The following GLS variants were observed in gnomAD, a reference collection of about 807,000 sequenced individuals.
The protein encoded by GLS is glutaminase, also known as glutaminase kidney isoform, mitochondrial.
Under a neutral mutation model 86.7 loss-of-function variants are expected in GLS, and 36 were observed. That is an observed-to-expected ratio of 0.42 (90% CI 0.32 to 0.55). The LOEUF (loss-of-function observed/expected upper bound fraction) is 0.55. Among genes scored for constraint, GLS ranks in the 20% least tolerant of loss-of-function variants. The probability of loss-of-function intolerance (pLI) is 0.17; values close to 1 mark genes in which losing one functional copy is unlikely to be tolerated. For missense variants in GLS, 528 were observed against 833.4 expected (o/e 0.63, Z 4.51); for synonymous variants, 317 against 305.9 (o/e 1.04, Z -0.38).
In GLS at chr2:190,905,066, ATGCCAT is replaced by A; in HGVS notation, c.882_887del (p.Ile295_Ala296del). 1 of 1,599,298 alleles carries A rather than the reference ATGCCAT, an allele frequency of 6.3e-7. No individual in the cohort carries two copies. Among genetic ancestry groups the A allele is most frequent in the Non-Finnish European group, 8.6e-7 (1 of 1,166,554 alleles). ...CAGTCCTGTGTAAAACCTTTGAAAT[ATGCCAT>A]TGCTGTTAATGATCTTGGAACTGAA... On this transcript the variant is annotated inframe_deletion, in exon 6 of 18. Coordinates refer to ENST00000320717, the MANE Select transcript of GLS (RefSeq NM_014905.5). This position sits in a 1 kb window ranked among gnomAD's most constrained non-coding sequence, Gnocchi z 4.6.
chr2:190,935,093 C>T lies in GLS; in HGVS notation c.1650+3456C>T. 1.1e-6 allele frequency: 1 copy of T among 943,692 alleles called. No homozygotes were observed. Among genetic ancestry groups the T allele is most frequent in the South Asian group, 4.9e-5 (1 of 20,344 alleles). The allele number at this position is 943,692 out of a possible 1,614,324, so 58.5% of individuals were successfully genotyped here. A position where few individuals can be genotyped will look rare whatever the true frequency, so the allele number is the denominator to read the frequency against. On this transcript the variant is annotated intron_variant, in intron 14 of 17. Transcript: ENST00000320717. This position sits in a 1 kb window ranked among gnomAD's most constrained non-coding sequence, Gnocchi z 4.2. ...TCTTTTTTCTTTCTTTTTTTGGCAT[C>T]ATTAACATTTCATTTGAAATGCATA...
Position 190,953,372 on chromosome 2 carries a change from C to A in GLS, c.1651-193C>A, listed in dbSNP as rs528865173. On this transcript the variant is annotated intron_variant, in intron 14 of 17. Transcript: ENST00000320717. The surrounding 1 kb of genome is among the most constrained non-coding windows in gnomAD (Gnocchi z 4.0). ...TTATCTTTATTATTGAATTTTCCCT[C>A]ACAATCCACTGTTAAAAGAAGAAAG... 6.6e-6 allele frequency among the ~76,000 whole-genome samples: 1 copy of A among 152,188 alleles called. No homozygotes were observed. The highest frequency in any genetic ancestry group is 6.5e-5 in the Admixed American group (1 of 15,284).
chr2:190,895,515 TTATA>T lies in GLS; in HGVS notation c.484-86_484-83del. ...ATGTTCAAGTGTTGGGTAGAAGTTT[TTATA>T]TACAGGAATAAAATCTTATAGTTGG... On this transcript the variant is annotated intron_variant, in intron 2 of 17. Coordinates refer to ENST00000320717, the MANE Select transcript of GLS (RefSeq NM_014905.5). This position sits in a 1 kb window ranked among gnomAD's most constrained non-coding sequence, Gnocchi z 4.2. The T allele has an allele frequency of 2.2e-6, 2 of 927,216 alleles. No individual in the cohort carries two copies. The highest frequency in any genetic ancestry group is 2.4e-5 in the Admixed American group (1 of 42,158). The allele number at this position is 927,216 out of a possible 1,614,324, so 57.4% of individuals were successfully genotyped here. A position where few individuals can be genotyped will look rare whatever the true frequency, so the allele number is the denominator to read the frequency against.
At chr2:190,894,827 A>C (rs149586303) in intron 1 of GLS, among the ~76,000 whole-genome samples, 374 of 152,334 alleles carry the variant, frequency 2.5e-3, no homozygotes, top group African/African-American at 8.3e-3. Context: ...GAACTCTATA[A>C]TTTGTATTGG....
intron 6 of GLS, among the ~76,000 whole-genome samples, chr2:190,906,571 GA>G (rs1689142966): frequency 1.3e-5 from 2 of 152,132 alleles, no homozygotes; most frequent in African/African-American, 4.8e-5. Context: ...TTTAACAAGA[GA>G]TTTTGCCTCG....
Position 190,935,635 on chromosome 2 carries a change from C to T in GLS, c.1650+3998C>T, listed in dbSNP as rs1690250302. ...GTGCAACCCTATTTGTAGGTTATTT[C>T]TGCTTTCTGAGGAGGAATATTGTTG... On this transcript the variant is annotated intron_variant, in intron 14 of 17. Transcript: ENST00000320717. The surrounding 1 kb of genome is among the most constrained non-coding windows in gnomAD (Gnocchi z 4.2). Among the ~76,000 whole-genome samples, 1 of 151,144 alleles carries T rather than the reference C, an allele frequency of 6.6e-6. No individual in the cohort carries two copies. The highest frequency in any genetic ancestry group is 1.5e-5 in the Non-Finnish European group (1 of 67,274).
At chr2:190,886,306 A>ATGCTG (rs1380891693) in intron 1 of GLS, among the ~76,000 whole-genome samples, 1 of 152,222 alleles carries the variant, frequency 6.6e-6, no homozygotes, top group Non-Finnish European at 1.5e-5. Context: ...TAACAAACTC[A>ATGCTG]TGCTGTTAAT....
chr2:190,931,160 ATT>A (rs370329229), intron 13 of GLS, among the ~76,000 whole-genome samples: 2 of 152,180 alleles, frequency 1.3e-5, no homozygotes, highest in Non-Finnish European at 2.9e-5. Context: ...AGTCTTTTAT[ATT>A]TTACAAAAAC....
rs1193489370 is a variant in GLS at position 190,905,151 on chromosome 2, A to G, written c.963A>G (p.Leu321=). The stretch of plus-strand genomic sequence containing the variant: ...CGAGTGGACTAAGATTCAACAAACT[A>G]TTTTTGAATGAAGATGGTAAGAATT... The part of the protein sequence containing the change: ...KEPSGLRFNK[L]FLNEDDKPHN... The change falls in exon 6 of 18, where the codon CTA becomes CTG. Residue 321 remains leucine (L), a synonymous_variant. Transcript: ENST00000320717. The surrounding 1 kb of genome is among the most constrained non-coding windows in gnomAD (Gnocchi z 4.6). 6.9e-6 allele frequency: 11 copies of G among 1,592,418 alleles called. No individual in the cohort carries two copies. In the East Asian group the frequency reaches 1.1e-4, roughly 16 times the overall value.
chr2:190,950,964 C>T (rs1435195001), intron 14 of GLS, among the ~76,000 whole-genome samples: 1 of 152,100 alleles, frequency 6.6e-6, no homozygotes, highest in African/African-American at 2.4e-5. Context: ...GGTGAGAAGC[C>T]GGCAGGACTG....
Position 190,880,908 on chromosome 2 carries a change from A to C in GLS, c.-177A>C. ...CAGCAGCAGCAGCAGCAGCAGCAGC[A>C]GCAGCAGCAGCACCCGCATCCGCTG... On this transcript the variant is annotated 5_prime_UTR_variant, in exon 1 of 18. Transcript: ENST00000320717. 1.2e-6 allele frequency: 1 copy of C among 826,898 alleles called. No homozygotes were observed. The highest frequency in any genetic ancestry group is 1.9e-6 in the Non-Finnish European group (1 of 539,656). The allele number at this position is 826,898 out of a possible 1,614,324, so 51.2% of individuals were successfully genotyped here.
In GLS at chr2:190,881,150, C is replaced by G. The variant is rs1307572661; in HGVS notation, c.66C>G (p.Ser22Arg). The change falls in exon 1 of 18, where the codon AGC becomes AGG. Residue 22 changes from serine (S) to arginine (R), a missense_variant. Coordinates refer to ENST00000320717, the MANE Select transcript of GLS (RefSeq NM_014905.5). Reference sequence around the variant, plus strand: ...TCCTGCGGTCGCCCGCCGGCGTGAGCGCGACTCTGCGGCGGGCACAGCCCT... The same window carrying G: ...TCCTGCGGTCGCCCGCCGGCGTGAGGGCGACTCTGCGGCGGGCACAGCCCT... ...DLLLRSPAGV[S>R]ATLRRAQPLV... 11 of 1,553,962 alleles carry G rather than the reference C, an allele frequency of 7.1e-6. No individual in the cohort carries two copies. The highest frequency in any genetic ancestry group is 9.5e-6 in the Non-Finnish European group (11 of 1,158,338).
Position 190,930,358 on chromosome 2 carries a change from CCA to C in GLS, c.1426-78_1426-77del, listed in dbSNP as rs1269093235. On this transcript the variant is annotated intron_variant, in intron 12 of 17. Transcript: ENST00000320717. This position sits in a 1 kb window ranked among gnomAD's most constrained non-coding sequence, Gnocchi z 5.0. The stretch of plus-strand genomic sequence containing the variant: ...CAGGAGTGAGCCATGGTGCCCAGCC[CCA>C]GTTTCCCTATTGTTGAACATAACAT... The C allele has an allele frequency of 4.6e-6, 5 of 1,086,204 alleles. No homozygotes were observed. Among genetic ancestry groups the C allele is most frequent in the African/African-American group, 3.1e-5 (2 of 63,706 alleles). The allele number at this position is 1,086,204 out of a possible 1,614,324, so 67.3% of individuals were successfully genotyped here.
Position 190,964,802 on chromosome 2 carries a change from AACTTTATTC to A in GLS, c.*1818_*1826del, listed in dbSNP as rs1691086664. On this transcript the variant is annotated 3_prime_UTR_variant, in exon 18 of 18. Coordinates refer to ENST00000320717, the MANE Select transcript of GLS (RefSeq NM_014905.5). This position sits in a 1 kb window ranked among gnomAD's most constrained non-coding sequence, Gnocchi z 5.2. ...CGTTTTAACTGAAATCAATCAAGAT[AACTTTATTC>A]AAAGAGCAGCCCGCTTTGTGTGACT... 1 of 152,212 alleles carries A rather than the reference AACTTTATTC, an allele frequency of 6.6e-6. No homozygotes were observed. Among genetic ancestry groups the A allele is most frequent in the African/African-American group, 2.4e-5 (1 of 41,448 alleles). 9.4% of individuals were successfully genotyped at this position (152,212 alleles called of 1,614,324 possible). A position where few individuals can be genotyped will look rare whatever the true frequency, so the allele number is the denominator to read the frequency against.
Position 190,913,322 on chromosome 2 carries a change from T to C in GLS, c.1038+3001T>C. 2 of 1,224,522 alleles carry C rather than the reference T, an allele frequency of 1.6e-6. No homozygotes were observed. Among genetic ancestry groups the C allele is most frequent in the Non-Finnish European group, 1.1e-6 (1 of 950,048 alleles). The allele number at this position is 1,224,522 out of a possible 1,614,324, so 75.9% of individuals were successfully genotyped here. A position where few individuals can be genotyped will look rare whatever the true frequency, so the allele number is the denominator to read the frequency against. Reference sequence around the variant, plus strand: ...CATAAATTCTTAACTACTAAGCTTATAGGAAAACTCCAATATTTAAAATTT... The same window carrying C: ...CATAAATTCTTAACTACTAAGCTTACAGGAAAACTCCAATATTTAAAATTT... On this transcript the variant is annotated intron_variant, in intron 7 of 17. Transcript: ENST00000320717. This position sits in a 1 kb window ranked among gnomAD's most constrained non-coding sequence, Gnocchi z 6.1.
At position 190,962,957 on chromosome 2, in the gene GLS, G is replaced by T; in HGVS notation, c.1981G>T (p.Val661Phe). Residue 661 changes from valine to phenylalanine, a missense_variant, in exon 18 of 18, where the codon GTC becomes TTC. Transcript: ENST00000320717. This position sits in a 1 kb window ranked among gnomAD's most constrained non-coding sequence, Gnocchi z 4.2. The stretch of plus-strand genomic sequence containing the variant: ...TGACAACGGGAAGGAAAATCAAACC[G>T]TCCATAAGAATCTTGATGGATTGTT... ...DSDNGKENQTVHKNLDGLL is the reference protein window; with the variant it reads ...DSDNGKENQTFHKNLDGLL The T allele has an allele frequency of 6.2e-7, 1 of 1,608,264 alleles. No individual in the cohort carries two copies. Among genetic ancestry groups the T allele is most frequent in the South Asian group, 1.1e-5 (1 of 90,038 alleles).
rs1247080501 is a variant in GLS, at chr2:190,943,346, TTAAGGTGA to T, written c.1651-10216_1651-10209del. Among the ~76,000 whole-genome samples the T allele has an allele frequency of 2.0e-5, 3 of 152,240 alleles. No homozygotes were observed. Among genetic ancestry groups the T allele is most frequent in the Admixed American group, 6.5e-5 (1 of 15,282 alleles). On this transcript the variant is annotated intron_variant, in intron 14 of 17. Transcript: ENST00000320717. The surrounding 1 kb of genome is among the most constrained non-coding windows in gnomAD (Gnocchi z 4.5). ...AAGCTGGGGTGGTGTGTGAGATTGC[TTAAGGTGA>T]TAGTATAAAGTGATAAGGAAAGTGT...
intron 14 of GLS, among the ~76,000 whole-genome samples, chr2:190,944,540 A>G (rs1012016698): frequency 9.9e-5 from 15 of 151,940 alleles, no homozygotes; most frequent in Admixed American, 4.6e-4. Flanking sequence ...GCTCATTGCT[A>G]TTTTTCTTCT....
Position 190,930,304 on chromosome 2 carries a change from T to G in GLS, c.1426-133T>G. 1 of 646,356 alleles carries G rather than the reference T, an allele frequency of 1.5e-6. No homozygotes were observed. The highest frequency in any genetic ancestry group is 2.8e-5 in the Admixed American group (1 of 35,902). The allele number at this position is 646,356 out of a possible 1,614,324, so 40.0% of individuals were successfully genotyped here. ...AACTCCTGGGCTCAAGTGATCTGCT[T>G]GCCTTGGCCTCCCAAAGTGCTGAGA... On this transcript the variant is annotated intron_variant, in intron 12 of 17. Coordinates refer to ENST00000320717, the MANE Select transcript of GLS (RefSeq NM_014905.5). The surrounding 1 kb of genome is among the most constrained non-coding windows in gnomAD (Gnocchi z 5.0).
Sources: gnomAD v4.1 joint callset for allele counts (sites outside exome capture counted in the v4.1 genomes callset) on GRCh38, gnomAD v4.1.1 for gene constraint, Gnocchi (gnomAD v3.1) non-coding constraint, MANE v1.5 for transcripts, NCBI Gene and HGNC (gene_info 2026-07-23, HGNC 2026-07-21) for gene names.